The following ZC4H2 variants were observed in gnomAD, a reference collection of about 807,000 sequenced individuals.
ZC4H2 encodes the protein zinc finger C4H2 domain-containing protein.
For synonymous variants in ZC4H2, 84 were observed against 66.3 expected (o/e 1.27, Z -1.30); for missense variants, 137 against 173.9 (o/e 0.79, Z 1.19).
At chrX:64,926,424 C>T (rs1602386119) in intron 1 of ZC4H2, among the ~76,000 whole-genome samples, 1 of 111,732 alleles carries the variant, frequency 8.9e-6, no homozygotes. Flanking sequence ...AGTACAATTG[C>T]TGGGTTATAT....
intron 1 of ZC4H2, among the ~76,000 whole-genome samples, chrX:64,990,953 C>T (rs760757400): frequency 1.1e-4 from 12 of 112,027 alleles, no homozygotes; most frequent in African/African-American, 3.6e-4. Context: ...CAGCAATCTT[C>T]TACCTTTTTC....
At chrX:64,922,922 C>A (rs1022218956) in intron 1 of ZC4H2, among the ~76,000 whole-genome samples, 3 of 111,469 alleles carry the variant, frequency 2.7e-5, no homozygotes, top group African/African-American at 9.8e-5. Context: ...TTTATCAGTT[C>A]CAGAAAAGGA....
intron 1 of ZC4H2, among the ~76,000 whole-genome samples, chrX:64,953,547 T>A (rs1327601296): frequency 1.8e-5 from 2 of 112,492 alleles, no homozygotes; most frequent in African/African-American, 6.5e-5. Flanking sequence ...AAGACATTTA[T>A]GCAGCCATAA....
At position 64,951,418 on chromosome X, in the gene ZC4H2, C is replaced by A. The variant is rs868083877; in HGVS notation, c.53+24907G>T. Among the ~76,000 whole-genome samples, 288 of 111,837 alleles carry A rather than the reference C, an allele frequency of 2.6e-3. 1 individual carries two copies. Among genetic ancestry groups the A allele is most frequent in the Admixed American group, 3.3e-3 (35 of 10,582 alleles). On this transcript the variant is annotated intron_variant, in intron 1 of 4. Transcript: ENST00000374839. ...TTGAACTAGTTTACAGTCCCACCAACAGTGTAAAAGTGTTCCTATTTCTCC... is the reference window on the plus strand; with the variant it reads ...TTGAACTAGTTTACAGTCCCACCAAAAGTGTAAAAGTGTTCCTATTTCTCC...
At chrX:64,953,552 C>A (rs1344945750) in intron 1 of ZC4H2, among the ~76,000 whole-genome samples, 1 of 112,257 alleles carries the variant, frequency 8.9e-6, no homozygotes, top group African/African-American at 3.2e-5. Context: ...ATTTATGCAG[C>A]CATAAGTCAC....
chrX:64,935,178 C>G (rs1357435916), intron 1 of ZC4H2, among the ~76,000 whole-genome samples: 3 of 111,426 alleles, frequency 2.7e-5, no homozygotes, highest in African/African-American at 9.8e-5. Flanking sequence ...CTTGAGTAGG[C>G]AGTTTTCCCC....
intron 1 of ZC4H2, among the ~76,000 whole-genome samples, chrX:64,984,080 A>G (rs945094144): frequency 1.8e-5 from 2 of 111,127 alleles, no homozygotes; most frequent in Non-Finnish European, 3.8e-5. Context: ...TTCAACCTGC[A>G]CCTCCCTCCC....
chrX:65,031,030 C>T (rs1344506006), intron 1 of ZC4H2, among the ~76,000 whole-genome samples: 1 of 111,312 alleles, frequency 9.0e-6, no homozygotes, highest in Non-Finnish European at 1.9e-5. Context: ...ATCTCTCTCC[C>T]CTACTGTAAA....
chrX:64,924,010 C>A (rs1929320902), intron 1 of ZC4H2, among the ~76,000 whole-genome samples: 2 of 112,124 alleles, frequency 1.8e-5, no homozygotes, highest in African/African-American at 6.5e-5. Context: ...ATATCCCCAT[C>A]TATCTAGACT....
rs779035476 is a variant in ZC4H2, at chrX:64,960,575, C to T, written c.53+15750G>A. On this transcript the variant is annotated intron_variant, in intron 1 of 4. Coordinates refer to ENST00000374839, the MANE Select transcript of ZC4H2 (RefSeq NM_018684.4). ...GGGGAAATGACTTCTAGACAAAGCACTACTTTGGTTCCACTTAACTATGCT... is the reference window on the plus strand; with the variant it reads ...GGGGAAATGACTTCTAGACAAAGCATTACTTTGGTTCCACTTAACTATGCT... Among the ~76,000 whole-genome samples, 5 of 111,769 alleles carry T rather than the reference C, an allele frequency of 4.5e-5. No individual in the cohort carries two copies. The South Asian group carries it at 1.9e-3, about 42-fold the overall frequency.
At chrX:65,003,949 CT>C (rs1372731613) in intron 1 of ZC4H2, among the ~76,000 whole-genome samples, 1 of 110,530 alleles carries the variant, frequency 9.0e-6, no homozygotes, top group Non-Finnish European at 1.9e-5. Context: ...CCAGATAATA[CT>C]ATAAACACCT....
intron 1 of ZC4H2, among the ~76,000 whole-genome samples, chrX:65,020,990 T>C (rs997576986): frequency 1.8e-5 from 2 of 109,054 alleles, no homozygotes; most frequent in African/African-American, 7.1e-5. Flanking sequence ...TCCTAATATA[T>C]ATACACCCCA....
At chrX:65,028,695 C>T (rs1176913803) in intron 1 of ZC4H2, among the ~76,000 whole-genome samples, 5 of 110,879 alleles carry the variant, frequency 4.5e-5, no homozygotes, top group Admixed American at 2.9e-4. Flanking sequence ...CTATGCCTGG[C>T]TAATTTTTGT....
intron 1 of ZC4H2, among the ~76,000 whole-genome samples, chrX:64,940,899 A>G (rs1467155621): frequency 8.9e-6 from 1 of 111,850 alleles, no homozygotes; most frequent in African/African-American, 3.3e-5. Flanking sequence ...TTGGTTCCAC[A>G]TGAAATTTAA....
chrX:64,988,604 G>T (rs1219956444), intron 1 of ZC4H2, among the ~76,000 whole-genome samples: 2 of 107,862 alleles, frequency 1.9e-5, no homozygotes, highest in East Asian at 5.8e-4. Context: ...TTATAAATTT[G>T]AATTCATTGT....
rs193031120 is a variant in ZC4H2, at chrX:65,018,177, C to T, written c.-272+16452G>A. ...AGTGGGCAAAATACATGAACAGACA[C>T]TTCTCAAAAGACGACATACAAGCTG... is the stretch of plus-strand genomic sequence containing the variant. On this transcript the variant is annotated intron_variant, in intron 1 of 4. Coordinates refer to the ZC4H2 transcript ENST00000337990. Among the ~76,000 whole-genome samples the T allele has an allele frequency of 1.7e-3, 197 of 112,718 alleles. 1 individual carries two copies. Among genetic ancestry groups the T allele is most frequent in the Non-Finnish European group, 3.2e-3 (170 of 53,349 alleles).
intron 1 of ZC4H2, among the ~76,000 whole-genome samples, chrX:64,937,517 A>T (rs1415829274): frequency 8.9e-6 from 1 of 111,770 alleles, no homozygotes; most frequent in Non-Finnish European, 1.9e-5. Context: ...CTTATTCTAA[A>T]ATTTACCACA....
chrX:65,005,965 T>C (rs1421487542), intron 1 of ZC4H2, among the ~76,000 whole-genome samples: 2 of 111,551 alleles, frequency 1.8e-5, no homozygotes, highest in South Asian at 3.7e-4. Context: ...AAAAGGCTCA[T>C]CATCACTGGT....
Position 64,921,883 on chromosome X carries a change from G to A in ZC4H2, c.159C>T (p.Asp53=), listed in dbSNP as rs370294701. Residue 53 remains aspartate (D), a synonymous_variant, in exon 2 of 5, where the codon GAC becomes GAT. Coordinates refer to ENST00000374839, the MANE Select transcript of ZC4H2 (RefSeq NM_018684.4). The stretch of plus-strand genomic sequence containing the variant: ...GGGCCATCTTCTCCTGTAGCAGAAG[G>A]TCCATCTCCTGCTTGTATTCCTTCA... ...RHLKEYKQEM[D]LLLQEKMAHV... 2 of 1,208,003 alleles carry A rather than the reference G, an allele frequency of 1.7e-6. No individual in the cohort carries two copies. The highest frequency in any genetic ancestry group is 1.8e-5 in the African/African-American group (1 of 56,608).
Sources: allele counts gnomAD v4.1 joint callset (sites outside exome capture counted in the v4.1 genomes callset), GRCh38; gene constraint gnomAD v4.1.1; transcripts MANE v1.5; gene names NCBI Gene and HGNC (gene_info 2026-07-23, HGNC 2026-07-21).